The following ANKS1B variants were observed in gnomAD, a reference collection of about 807,000 sequenced individuals.
ANKS1B encodes the protein ankyrin repeat and sterile alpha motif domain-containing protein 1B.
A neutral mutation model predicts 148.3 loss-of-function variants in ANKS1B; 36 were observed. That is an observed-to-expected ratio of 0.24 (90% CI 0.19 to 0.32). The LOEUF (loss-of-function observed/expected upper bound fraction) is 0.32, where lower values mean the gene tolerates loss of function less well. ANKS1B is among the 10% of genes least tolerant of loss of function. ANKS1B has a pLI of 1.00. For synonymous variants in ANKS1B, 542 were observed against 560.8 expected, an observed-to-expected ratio of 0.97 and a Z score of 0.47; for missense variants, 1,157 against 1,542.6, an observed-to-expected ratio of 0.75 and a Z score of 4.19.
At chr12:98,948,073 C>T (rs1410566894) in intron 17 of ANKS1B, among the ~76,000 whole-genome samples, 3 of 152,008 alleles carry the variant, frequency 2.0e-5, no homozygotes, top group African/African-American at 7.2e-5. Flanking sequence ...AAAAAAAACC[C>T]TTGGAAAGGA....
rs141836893 is a variant in ANKS1B at position 99,326,634 on chromosome 12, T to C, written c.1756+72997A>G. On this transcript the variant is annotated intron_variant, in intron 12 of 26. Transcript: ENST00000683438. ...TGAGGGATGAACTAAATGTCTGATA[T>C]TGTTACGTAAAAAGTGCCTTGAACT... Among the ~76,000 whole-genome samples the C allele has an allele frequency of 4.6e-5, 7 of 152,202 alleles. 1 individual carries two copies. Among genetic ancestry groups the C allele is most frequent in the African/African-American group, 1.7e-4 (7 of 41,570 alleles).
intron 9 of ANKS1B, among the ~76,000 whole-genome samples, chr12:98,735,903 T>G (rs899710954): frequency 3.9e-5 from 6 of 152,142 alleles, no homozygotes; most frequent in Non-Finnish European, 8.8e-5. Context: ...AAGCTGACAC[T>G]TGTACAGACC....
intron 12 of ANKS1B, among the ~76,000 whole-genome samples, chr12:99,255,220 A>C (rs1248100942): frequency 6.6e-6 from 1 of 152,108 alleles, no homozygotes; most frequent in Non-Finnish European, 1.5e-5. Context: ...AGTTTTTTAA[A>C]GTTTTAATTA....
chr12:99,101,651 T>G (rs1302165399), intron 15 of ANKS1B, among the ~76,000 whole-genome samples: 1 of 152,158 alleles, frequency 6.6e-6, no homozygotes, highest in Non-Finnish European at 1.5e-5. Context: ...AACCTCCACC[T>G]CCCGGGTTCA....
At chr12:99,189,148 G>T (rs879203273) in intron 14 of ANKS1B, among the ~76,000 whole-genome samples, 1 of 152,244 alleles carries the variant, frequency 6.6e-6, no homozygotes, top group Admixed American at 6.5e-5. Context: ...CCAGGAAGAA[G>T]TCGAATCCCT....
chr12:99,893,899 C>T (rs2093253423), intron 1 of ANKS1B, among the ~76,000 whole-genome samples: 2 of 152,044 alleles, frequency 1.3e-5, no homozygotes, highest in African/African-American at 2.4e-5. Flanking sequence ...CTGACGGGCA[C>T]CTGGGTTGAT....
intron 9 of ANKS1B, among the ~76,000 whole-genome samples, chr12:99,524,785 C>T (rs1042937586): frequency 6.6e-6 from 1 of 152,136 alleles, no homozygotes; most frequent in Non-Finnish European, 1.5e-5. Flanking sequence ...ATAAAACCAT[C>T]AGATCTCATG....
At chr12:99,818,956 GCCT>G (rs1168334538) in intron 2 of ANKS1B, among the ~76,000 whole-genome samples, 1 of 151,728 alleles carries the variant, frequency 6.6e-6, no homozygotes, top group Admixed American at 6.6e-5. Context: ...AAATTTCTTT[GCCT>G]CAACAGCAAG....
chr12:99,077,556 G>C (rs2048271099), intron 16 of ANKS1B, among the ~76,000 whole-genome samples: 1 of 152,184 alleles, frequency 6.6e-6, no homozygotes, highest in Non-Finnish European at 1.5e-5. Flanking sequence ...AAATAAGACT[G>C]AACCTTCCTT....
rs899842282 is a variant in ANKS1B at position 98,942,264 on chromosome 12, G to A, written c.2779-110128C>T. Among the ~76,000 whole-genome samples the A allele has an allele frequency of 5.3e-4, 79 of 149,750 alleles. 1 individual carries two copies. The highest frequency in any genetic ancestry group is 1.0e-4 in the Non-Finnish European group (7 of 67,478). Reference sequence around the variant, plus strand: ...TTGGTGGGAGGTGGGGGAGCGGGGGGAGGGGGAAGAAAAAAAGAAAGATAT... The same window carrying A: ...TTGGTGGGAGGTGGGGGAGCGGGGGAAGGGGGAAGAAAAAAAGAAAGATAT... On this transcript the variant is annotated intron_variant, in intron 17 of 26. Transcript: ENST00000683438.
rs1417446519 is a variant in ANKS1B at position 99,327,308 on chromosome 12, T to TAATTAC, written c.1756+72322_1756+72323insGTAATT. On this transcript the variant is annotated intron_variant, in intron 12 of 26. Coordinates refer to ENST00000683438, the MANE Select transcript of ANKS1B (RefSeq NM_001352186.2). ...TTATAACATATAAAATATGTAATTA[T>TAATTAC]ATATTATAATTACATATTATATATA... Among the ~76,000 whole-genome samples the TAATTAC allele has an allele frequency of 7.0e-3, 838 of 119,796 alleles. 17 individuals carry two copies. The highest frequency in any genetic ancestry group is 0.028 in the African/African-American group (796 of 28,002). The allele number at this position is 119,796 out of a possible 152,430, so 78.6% of individuals were successfully genotyped here.
Position 98,798,934 on chromosome 12 carries a change from C to T in ANKS1B, c.3342G>A (p.Arg1114=). Residue 1114 remains arginine (R), a splice_region_variant and synonymous_variant, in exon 22 of 27, where the codon CGG becomes CGA. Transcript: ENST00000683438. ...ESTQDACAKM[R]ANCQKSTEQM... ...AAATAAAGTAGTTTGGCAGACTTACCCGCATTTTTGCACAAGCATCTTGGG... is the reference window on the plus strand; with the variant it reads ...AAATAAAGTAGTTTGGCAGACTTACTCGCATTTTTGCACAAGCATCTTGGG... 1.2e-6 allele frequency: 2 copies of T among 1,609,544 alleles called. No homozygotes were observed. The highest frequency in any genetic ancestry group is 1.7e-6 in the Non-Finnish European group (2 of 1,177,856).
intron 9 of ANKS1B, among the ~76,000 whole-genome samples, chr12:99,624,087 C>G (rs1396160699): frequency 6.6e-6 from 1 of 151,854 alleles, no homozygotes; most frequent in Admixed American, 6.6e-5. Flanking sequence ...AATACAGAAC[C>G]CTGAAATAAA....
At chr12:99,414,131 CT>C (rs35967403) in intron 11 of ANKS1B, among the ~76,000 whole-genome samples, 62,196 of 150,626 alleles carry the variant, frequency 0.41, 13,269 homozygotes, top group African/African-American at 0.52. Flanking sequence ...TTTTTTTTTG[CT>C]TTTACCTATT....
At chr12:99,112,661 T>C (rs1194731109) in intron 15 of ANKS1B, among the ~76,000 whole-genome samples, 2 of 152,158 alleles carry the variant, frequency 1.3e-5, no homozygotes, top group African/African-American at 4.8e-5. Flanking sequence ...TAAATGCTTG[T>C]TGCTTGTTAA....
intron 22 of ANKS1B, among the ~76,000 whole-genome samples, chr12:98,791,301 GGCCACTGCACTCCA>G (rs1313940809): frequency 1.3e-5 from 2 of 151,240 alleles, no homozygotes; most frequent in Non-Finnish European, 2.9e-5. Flanking sequence ...GCCAAGATTG[GGCCACTGCACTCCA>G]GCCTGGGAGA....
chr12:99,467,726 T>G (rs1443591783), intron 10 of ANKS1B, among the ~76,000 whole-genome samples: 1 of 152,114 alleles, frequency 6.6e-6, no homozygotes, highest in Non-Finnish European at 1.5e-5. Context: ...GGAATCCAAC[T>G]TATAAGGGAC....
chr12:99,137,644 A>G (rs1038427847), intron 15 of ANKS1B, among the ~76,000 whole-genome samples: 7 of 151,762 alleles, frequency 4.6e-5, no homozygotes, highest in African/African-American at 1.7e-4. Flanking sequence ...GGTTTTATGT[A>G]TTTCCTCTTT....
intron 25 of ANKS1B, among the ~76,000 whole-genome samples, chr12:98,764,138 T>C (rs4331156): frequency 0.72 from 108,886 of 151,804 alleles, 39,181 homozygotes; most frequent in Admixed American, 0.78. Flanking sequence ...TGTGCAAAGG[T>C]GGTACAGGAG....
Sources: allele counts gnomAD v4.1 joint callset (sites outside exome capture counted in the v4.1 genomes callset), GRCh38; gene constraint gnomAD v4.1.1; transcripts MANE v1.5; gene names NCBI Gene and HGNC (gene_info 2026-07-23, HGNC 2026-07-21).